NFATC2: variants seen among roughly 807,000 people sequenced by gnomAD.
NFATC2 encodes nuclear factor of activated T cells 2, also known as nuclear factor of activated T-cells, cytoplasmic 2.
Under a neutral mutation model 87.3 loss-of-function variants are expected in NFATC2, and 22 were observed. That is an observed-to-expected ratio of 0.25 (90% CI 0.18 to 0.36). The LOEUF (loss-of-function observed/expected upper bound fraction) is 0.36. Among genes scored for constraint, NFATC2 ranks in the 10% least tolerant of loss-of-function variants. The pLI is 1.00. For missense variants in NFATC2, 1,149 were observed against 1,259.1 expected (o/e 0.91, Z 1.32); for synonymous variants, 565 against 542.2 (o/e 1.04, Z -0.58).
At chr20:51,445,953 C>G (rs1985005243) in intron 6 of NFATC2, among the ~76,000 whole-genome samples, 1 of 152,206 alleles carries the variant, frequency 6.6e-6, no homozygotes, top group Non-Finnish European at 1.5e-5. Flanking sequence ...CTTCTCGGCC[C>G]TAAGCTGTCA....
chr20:51,454,206 C>T lies in NFATC2; in HGVS notation c.1849+342G>A, dbSNP rs562157787. On this transcript the variant is annotated intron_variant, in intron 6 of 10. Transcript: ENST00000371564. ...GATATCCAGGGCCAGAGTATGCATGCTTTATCACTGTGCTGTTTGGCCTCC... is the reference window on the plus strand; with the variant it reads ...GATATCCAGGGCCAGAGTATGCATGTTTTATCACTGTGCTGTTTGGCCTCC... 2.4e-4 allele frequency among the ~76,000 whole-genome samples: 37 copies of T among 152,268 alleles called. No individual in the cohort carries two copies. In the South Asian group the frequency reaches 5.6e-3, roughly 23 times the overall value.
At position 51,389,795 on chromosome 20, in the gene NFATC2, A is replaced by G. The variant is rs1405976099; in HGVS notation, c.*1701T>C. 4 of 152,204 alleles carry G rather than the reference A, an allele frequency of 2.6e-5. No homozygotes were observed. Among genetic ancestry groups the G allele is most frequent in the Non-Finnish European group, 4.4e-5 (3 of 68,046 alleles). The allele number at this position is 152,204 out of a possible 1,614,324, so 9.4% of individuals were successfully genotyped here. ...TCTGGGTAACCTTGACGGGAGAGCC[A>G]GGACTTACAAAGCCCACAGTGGGCA... On this transcript the variant is annotated 3_prime_UTR_variant, in exon 11 of 11. Transcript: ENST00000371564.
At chr20:51,509,812 C>A (rs958302150) in intron 3 of NFATC2, among the ~76,000 whole-genome samples, 1 of 152,226 alleles carries the variant, frequency 6.6e-6, no homozygotes, top group Non-Finnish European at 1.5e-5. Flanking sequence ...GAATGAGCAT[C>A]CACGTCCCAT....
upstream of NFATC2, among the ~76,000 whole-genome samples, chr20:51,544,865 G>A (rs1320391723): frequency 6.6e-6 from 1 of 152,190 alleles, no homozygotes; most frequent in Non-Finnish European, 1.5e-5. Context: ...TCTACTGCAG[G>A]GGCCTGGGGG....
chr20:51,546,923 G>A (rs901843563), upstream of NFATC2, among the ~76,000 whole-genome samples: 1 of 152,184 alleles, frequency 6.6e-6, no homozygotes, highest in African/African-American at 2.4e-5. Flanking sequence ...AGGCTCTGAG[G>A]CAGGAGGAAA....
At chr20:51,449,343 G>A (rs1334545955) in intron 6 of NFATC2, among the ~76,000 whole-genome samples, 2 of 152,244 alleles carry the variant, frequency 1.3e-5, no homozygotes, top group East Asian at 1.9e-4. Context: ...AATGCAAGGC[G>A]AGCCCCCTCT....
At chr20:51,440,665 A>T (rs1984203717) in intron 6 of NFATC2, among the ~76,000 whole-genome samples, 1 of 152,188 alleles carries the variant, frequency 6.6e-6, no homozygotes, top group Non-Finnish European at 1.5e-5. Context: ...CAGAAGCTCC[A>T]AGGGCAGCCA....
At chr20:51,460,915 C>A (rs570152033) in intron 5 of NFATC2, among the ~76,000 whole-genome samples, 13 of 152,268 alleles carry the variant, frequency 8.5e-5, no homozygotes, top group African/African-American at 2.6e-4. Context: ...ACCCTCTGTG[C>A]CCCAATCTCT....
At chr20:51,557,383 C>T (rs1259419939) in intron 1 of NFATC2, among the ~76,000 whole-genome samples, 1 of 152,148 alleles carries the variant, frequency 6.6e-6, no homozygotes, top group African/African-American at 2.4e-5. Flanking sequence ...TCTCCCTGTA[C>T]AAAATGGGGA....
intron 8 of NFATC2, among the ~76,000 whole-genome samples, chr20:51,434,712 T>C (rs1011455932): frequency 1.3e-5 from 2 of 152,174 alleles, no homozygotes; most frequent in African/African-American, 4.8e-5. Flanking sequence ...TTCTTGGGGC[T>C]GTACTTTGTG....
intron 2 of NFATC2, among the ~76,000 whole-genome samples, chr20:51,521,248 AG>A (rs1179646046): frequency 6.6e-6 from 1 of 152,262 alleles, no homozygotes; most frequent in African/African-American, 2.4e-5. Context: ...CCCAGCGGGC[AG>A]GGCCCGAGGC....
intron 1 of NFATC2, among the ~76,000 whole-genome samples, chr20:51,540,663 T>TTTTTTTTTTTTTTTGTTTG (rs1555818354): frequency 4.4e-5 from 6 of 135,690 alleles, no homozygotes; most frequent in East Asian, 4.6e-4. Context: ...TTTTTGTTTT[T>TTTTTTTTTTTTTTTGTTTG]TTTTTTTTGA....
chr20:51,558,613 T>C (rs893979740), intron 1 of NFATC2, among the ~76,000 whole-genome samples: 1 of 152,224 alleles, frequency 6.6e-6, no homozygotes, highest in African/African-American at 2.4e-5. Context: ...GATTATTTGC[T>C]GTTTCCCCTG....
At chr20:51,407,950 G>T (rs1978585744) in intron 9 of NFATC2, among the ~76,000 whole-genome samples, 1 of 152,224 alleles carries the variant, frequency 6.6e-6, no homozygotes, top group Non-Finnish European at 1.5e-5. Context: ...AAGAGCAGCA[G>T]ATCCTCAGGA....
chr20:51,561,333 A>AG (rs1186727491), intron 1 of NFATC2, among the ~76,000 whole-genome samples: 3 of 137,726 alleles, frequency 2.2e-5, no homozygotes, highest in Admixed American at 7.2e-5. Flanking sequence ...TTAAAAAAAA[A>AG]AAAAAGAAAG....
chr20:51,429,695 TAAAG>T (rs1341836044), intron 9 of NFATC2, among the ~76,000 whole-genome samples: 6 of 152,200 alleles, frequency 3.9e-5, no homozygotes, highest in Non-Finnish European at 8.8e-5. Context: ...GCTAGCAGGA[TAAAG>T]ACTCTCAGAA....
At chr20:51,543,975 ATTTTTT>A (rs11473264), upstream of NFATC2, among the ~76,000 whole-genome samples, 470 of 72,956 alleles carry the variant, frequency 6.4e-3, 3 homozygotes, top group African/African-American at 0.026. Context: ...AGAATTCCTA[ATTTTTT>A]TTTTTTTTTT....
At chr20:51,562,815 AT>A (rs1197769411), upstream of NFATC2, 2 of 557,858 alleles carry the variant, frequency 3.6e-6, no homozygotes, top group East Asian at 3.0e-5. This position sits in a 1 kb window ranked among gnomAD's most constrained non-coding sequence, Gnocchi z 5.8. Flanking sequence ...CGGCTCCGCG[AT>A]CCGGCTTACT....
intron 1 of NFATC2, among the ~76,000 whole-genome samples, chr20:51,540,870 C>T (rs1299855063): frequency 2.0e-5 from 3 of 151,942 alleles, no homozygotes; most frequent in Non-Finnish European, 4.4e-5. Flanking sequence ...TGTGAGTATT[C>T]GTTCCCTGAA....
Sources: gnomAD v4.1 joint callset for allele counts (sites outside exome capture counted in the v4.1 genomes callset) on GRCh38, gnomAD v4.1.1 for gene constraint, Gnocchi (gnomAD v3.1) non-coding constraint, MANE v1.5 for transcripts, NCBI Gene and HGNC (gene_info 2026-07-23, HGNC 2026-07-21) for gene names.